BMP6: variants seen among roughly 807,000 people sequenced by gnomAD.
The protein encoded by BMP6 is VG-1-R.
A neutral mutation model predicts 54.1 loss-of-function variants in BMP6; 17 were observed. The observed-to-expected ratio is 0.31, with a 90% CI of 0.22 to 0.47. BMP6 has a LOEUF of 0.47. Ranked by LOEUF, BMP6 falls within the 20% of genes least tolerant of loss-of-function variation. The pLI is 1.00. For missense variants in BMP6, 720 were observed against 690.4 expected, an observed-to-expected ratio of 1.04 and a Z score of -0.48; for synonymous variants, 328 against 291.2, an observed-to-expected ratio of 1.13 and a Z score of -1.28.
At chr6:7,831,295 G>A (rs914865756) in intron 1 of BMP6, among the ~76,000 whole-genome samples, 7 of 152,216 alleles carry the variant, frequency 4.6e-5, no homozygotes, top group Non-Finnish European at 1.0e-4. Context: ...TACCAAGGCC[G>A]CGGGGGAGGA....
At chr6:7,782,579 C>T (rs1374536635) in intron 1 of BMP6, among the ~76,000 whole-genome samples, 1 of 152,010 alleles carries the variant, frequency 6.6e-6, no homozygotes, top group African/African-American at 2.4e-5. Context: ...GTGAGGTGGC[C>T]CACGCCTGCA....
chr6:7,732,688 T>A (rs928663906), intron 1 of BMP6, among the ~76,000 whole-genome samples: 1 of 150,780 alleles, frequency 6.6e-6, no homozygotes, highest in African/African-American at 2.4e-5. Flanking sequence ...AAATGTAGTA[T>A]ATCAAACGTA....
chr6:7,806,681 A>G (rs1256027509), intron 1 of BMP6, among the ~76,000 whole-genome samples: 2 of 152,084 alleles, frequency 1.3e-5, no homozygotes, highest in African/African-American at 2.4e-5. Context: ...AGTATGGACT[A>G]TTCTTAGTTA....
At chr6:7,828,265 A>G (rs1332771899) in intron 1 of BMP6, among the ~76,000 whole-genome samples, 2 of 152,234 alleles carry the variant, frequency 1.3e-5, no homozygotes, top group Admixed American at 6.5e-5. Flanking sequence ...GATATTCTCC[A>G]AGAACAGTCC....
intron 1 of BMP6, among the ~76,000 whole-genome samples, chr6:7,730,500 T>C (rs1306437978): frequency 2.0e-5 from 3 of 152,194 alleles, no homozygotes; most frequent in African/African-American, 7.2e-5. Context: ...GACTCTATAC[T>C]GATAGTGTGA....
At chr6:7,879,888 C>A in intron 5 of BMP6, 103 bp from the exon 6 acceptor site, 1 of 1,175,028 alleles carries the variant, frequency 8.5e-7, no homozygotes, top group Non-Finnish European at 1.2e-6. Context: ...TGTATCCTTG[C>A]CTGTGCAATG....
At chr6:7,803,863 C>T (rs1199000309) in intron 1 of BMP6, among the ~76,000 whole-genome samples, 1 of 152,082 alleles carries the variant, frequency 6.6e-6, no homozygotes, top group Admixed American at 6.6e-5. Context: ...ATTTTACTAT[C>T]ACTGGCATAT....
chr6:7,880,630 C>A lies in BMP6; in HGVS notation c.*287C>A. 1 of 431,032 alleles carries A rather than the reference C, an allele frequency of 2.3e-6. No homozygotes were observed. The highest frequency in any genetic ancestry group is 3.4e-5 in the South Asian group (1 of 29,680). The allele number at this position is 431,032 out of a possible 1,614,324, so 26.7% of individuals were successfully genotyped here. ...CGTGAAGCTCTTCCTACCCTCCTCC[C>A]CCAAAAACCCACCAAAATTAGTTTT... is the stretch of plus-strand genomic sequence containing the variant. On this transcript the variant is annotated 3_prime_UTR_variant, in exon 7 of 7. Transcript: ENST00000283147.
intron 1 of BMP6, among the ~76,000 whole-genome samples, chr6:7,824,058 G>A (rs932402581): frequency 1.3e-5 from 2 of 152,200 alleles, no homozygotes; most frequent in African/African-American, 4.8e-5. Flanking sequence ...CAGTGGTTTA[G>A]ATAACAGATG....
chr6:7,808,367 A>G (rs773745261), intron 1 of BMP6, among the ~76,000 whole-genome samples: 2 of 152,172 alleles, frequency 1.3e-5, no homozygotes, highest in Non-Finnish European at 2.9e-5. Flanking sequence ...AAATGTGTTA[A>G]CCACTCATTT....
chr6:7,809,817 C>T (rs1478712859), intron 1 of BMP6, among the ~76,000 whole-genome samples: 2 of 152,162 alleles, frequency 1.3e-5, no homozygotes, highest in Non-Finnish European at 2.9e-5. Context: ...ACAAAGTAGC[C>T]TCATCGGTTT....
intron 1 of BMP6, among the ~76,000 whole-genome samples, chr6:7,811,292 T>C (rs779227818): frequency 6.6e-6 from 1 of 152,208 alleles, no homozygotes; most frequent in Non-Finnish European, 1.5e-5. Context: ...GCCCCCTTGC[T>C]TCTGGCCCCA....
intron 1 of BMP6, among the ~76,000 whole-genome samples, chr6:7,793,959 C>T (rs1262083374): frequency 2.6e-5 from 4 of 152,238 alleles, no homozygotes; most frequent in East Asian, 1.9e-4. Flanking sequence ...TTTCATACTG[C>T]ATGGCATTTT....
At chr6:7,766,719 A>G (rs1363863072) in intron 1 of BMP6, among the ~76,000 whole-genome samples, 1 of 152,194 alleles carries the variant, frequency 6.6e-6, no homozygotes, top group African/African-American at 2.4e-5. Flanking sequence ...TTTAAAGAAT[A>G]GCCTACATCA....
intron 1 of BMP6, among the ~76,000 whole-genome samples, chr6:7,751,973 C>G (rs1757432103): frequency 6.6e-6 from 1 of 152,232 alleles, no homozygotes; most frequent in African/African-American, 2.4e-5. Context: ...TGCTTAAACG[C>G]TTCCAGCTAC....
intron 2 of BMP6, 57 bp downstream of exon 2, chr6:7,845,389 G>A (rs1759046381): frequency 1.3e-6 from 2 of 1,505,380 alleles, no homozygotes; most frequent in Admixed American, 3.9e-5. Context: ...CCCACCTTTT[G>A]TCATGACAAT....
chr6:7,728,063 A>C (rs1231598101), intron 1 of BMP6, among the ~76,000 whole-genome samples: 1 of 149,394 alleles, frequency 6.7e-6, no homozygotes, highest in Non-Finnish European at 1.5e-5. Context: ...TTTGCCCCCT[A>C]ACTTGGAGTG....
At chr6:7,739,280 G>C (rs1396080453) in intron 1 of BMP6, among the ~76,000 whole-genome samples, 1 of 152,126 alleles carries the variant, frequency 6.6e-6, no homozygotes, top group African/African-American at 2.4e-5. Flanking sequence ...TTAAATTTGG[G>C]CAATTTGGGT....
At chr6:7,831,824 G>C (rs267182) in intron 1 of BMP6, among the ~76,000 whole-genome samples, 73,724 of 152,048 alleles carry the variant, frequency 0.48, 18,655 homozygotes, top group East Asian at 0.73. Flanking sequence ...ACCACTGGGG[G>C]TGGGGTCAGA....
Sources: allele counts gnomAD v4.1 joint callset (sites outside exome capture counted in the v4.1 genomes callset), GRCh38; gene constraint gnomAD v4.1.1; transcripts MANE v1.5; gene names NCBI Gene and HGNC (gene_info 2026-07-23, HGNC 2026-07-21).